N4BP2: variants seen among roughly 807,000 people sequenced by gnomAD.
N4BP2 encodes the protein NEDD4 binding protein 2.
A neutral mutation model predicts 152.8 loss-of-function variants in N4BP2; 91 were observed. That is an observed-to-expected ratio of 0.60 (90% CI 0.50 to 0.71). The LOEUF (loss-of-function observed/expected upper bound fraction) is 0.71, where lower values mean the gene tolerates loss of function less well. N4BP2 is among the 30% of genes least tolerant of loss of function. The probability of loss-of-function intolerance (pLI) is 0.00; values close to 1 mark genes in which losing one functional copy is unlikely to be tolerated. For synonymous variants in N4BP2, 646 were observed against 705.3 expected (o/e 0.92, Z 1.33); for missense variants, 1,923 against 2,059.1 (o/e 0.93, Z 1.28).
chr4:40,083,898 A>G (rs1236389636), intron 2 of N4BP2, among the ~76,000 whole-genome samples: 1 of 152,210 alleles, frequency 6.6e-6, no homozygotes, highest in Non-Finnish European at 1.5e-5. Flanking sequence ...CCAATCCACG[A>G]CGCTACCTTT....
In N4BP2 at chr4:40,124,776, T is replaced by C. The variant is rs147834470; in HGVS notation, c.4330+571T>C. Among the ~76,000 whole-genome samples, 667 of 152,328 alleles carry C rather than the reference T, an allele frequency of 4.4e-3. 4 individuals are homozygous for C. Among genetic ancestry groups the C allele is most frequent in the African/African-American group, 0.015 (628 of 41,580 alleles). On this transcript the variant is annotated intron_variant, in intron 11 of 17. Transcript: ENST00000261435. ...ACACCTAGGGTATGCTCTCAAAGCATTTCCTGTTGAGGTTTTGCTCTGCAT... is the reference window on the plus strand; with the variant it reads ...ACACCTAGGGTATGCTCTCAAAGCACTTCCTGTTGAGGTTTTGCTCTGCAT...
At position 40,122,192 on chromosome 4, in the gene N4BP2, T is replaced by C. The variant is rs1174165151; in HGVS notation, c.4081T>C (p.Leu1361=). ...TAGTGGGGAAGATAAAACCGAGATATTGAATCCCACTCCAGCGATGGCCAA... is the reference window on the plus strand; with the variant it reads ...TAGTGGGGAAGATAAAACCGAGATACTGAATCCCACTCCAGCGATGGCCAA... ...GVSGEDKTEI[L]NPTPAMAKSL... The change falls in exon 9 of 18, where the codon TTG becomes CTG. Residue 1361 remains leucine (L), a synonymous_variant. Transcript: ENST00000261435. 3 of 1,613,862 alleles carry C rather than the reference T, an allele frequency of 1.9e-6. No homozygotes were observed. The highest frequency in any genetic ancestry group is 1.7e-5 in the Admixed American group (1 of 59,994).
intron 12 of N4BP2, among the ~76,000 whole-genome samples, chr4:40,127,313 G>A (rs1008602978): frequency 2.0e-5 from 3 of 151,516 alleles, no homozygotes; most frequent in African/African-American, 7.3e-5. Context: ...AACCTCCTGG[G>A]TTTAAGTGAG....
chr4:40,163,142 G>A (rs1721902682), downstream of N4BP2, among the ~76,000 whole-genome samples: 1 of 152,222 alleles, frequency 6.6e-6, no homozygotes, highest in South Asian at 2.1e-4. Context: ...AAGCACAGGA[G>A]AATTAGCTCT....
the N4BP2 span, among the ~76,000 whole-genome samples, chr4:40,182,821 C>T: frequency 6.6e-6 from 1 of 151,964 alleles, no homozygotes; most frequent in Non-Finnish European, 1.5e-5. Context: ...GGATTACAGG[C>T]ACCTGTCACC....
intron 5 of N4BP2, among the ~76,000 whole-genome samples, chr4:40,111,046 A>G (rs1716830489): frequency 6.6e-6 from 1 of 152,110 alleles, no homozygotes; most frequent in Non-Finnish European, 1.5e-5. Context: ...TTTATTTCAG[A>G]TCATTACATT....
rs73140122 is a variant in N4BP2 at position 40,058,304 on chromosome 4, T to A, written c.-212+1274T>A. ...TAGGAAATGTAAACATCGTGTGTTC[T>A]GTGTTTTGATAAACGTGGTTCCATC... On this transcript the variant is annotated intron_variant, in intron 1 of 17. Transcript: ENST00000261435. Among the ~76,000 whole-genome samples, 762 of 152,328 alleles carry A rather than the reference T, an allele frequency of 5.0e-3. 11 individuals are homozygous for A. Among genetic ancestry groups the A allele is most frequent in the African/African-American group, 0.017 (721 of 41,566 alleles).
chr4:40,169,536 A>G, the N4BP2 span, among the ~76,000 whole-genome samples: 8 of 151,786 alleles, frequency 5.3e-5, no homozygotes, highest in Non-Finnish European at 1.2e-4. Flanking sequence ...ATCAAATTAG[A>G]AACTGAACTG....
chr4:40,125,581 C>CA (rs1718313360), intron 11 of N4BP2, among the ~76,000 whole-genome samples: 1 of 151,978 alleles, frequency 6.6e-6, no homozygotes, highest in Admixed American at 6.6e-5. Context: ...AGCATTGAGT[C>CA]AGTTTAAAAT....
the N4BP2 span, among the ~76,000 whole-genome samples, chr4:40,181,030 G>T: frequency 6.6e-6 from 1 of 152,060 alleles, no homozygotes; most frequent in Non-Finnish European, 1.5e-5. Flanking sequence ...TGTGCCTGTA[G>T]TCCCAGCTAC....
intron 2 of N4BP2, chr4:40,077,852 A>G (rs1212857124): frequency 1.3e-5 from 2 of 152,196 alleles, no homozygotes; most frequent in African/African-American, 4.8e-5. Flanking sequence ...CATATACTAC[A>G]TATAAAAGAT....
Position 40,121,779 on chromosome 4 carries a change from G to T in N4BP2, c.3668G>T (p.Ser1223Ile), listed in dbSNP as rs80192073. ...NHESMTSIFP[S>I]AAVGLKNNND... is the part of the protein sequence containing the mutation. The stretch of plus-strand genomic sequence containing the variant: ...GAATCGATGACAAGTATATTTCCCA[G>T]TGCTGCTGTGGGTCTAAAGAATAAT... The change falls in exon 9 of 18, where the codon AGT (serine) becomes ATT (isoleucine). Residue 1223 changes from serine (S) to isoleucine (I), a missense_variant. By Grantham distance (142) the Ser-to-Ile change is moderately radical (BLOSUM62 -2). Transcript: ENST00000261435. The T allele has an allele frequency of 1.1e-3, 1,702 of 1,614,030 alleles. 18 individuals are homozygous for T. The African/African-American group carries it at 0.021, about 20-fold the overall frequency.
At chr4:40,095,609 AG>A (rs1250436878) in intron 2 of N4BP2, among the ~76,000 whole-genome samples, 3 of 152,206 alleles carry the variant, frequency 2.0e-5, no homozygotes, top group Non-Finnish European at 4.4e-5. Flanking sequence ...TTTAATTAAA[AG>A]GTAAATTTTA....
chr4:40,069,157 G>A (rs567835645), intron 1 of N4BP2, among the ~76,000 whole-genome samples: 1 of 150,072 alleles, frequency 6.7e-6, no homozygotes, highest in East Asian at 2.0e-4. Context: ...AAAATTCCCA[G>A]CCGGGCACAG....
chr4:40,075,890 G>GCGTA (rs1712679924), intron 2 of N4BP2, among the ~76,000 whole-genome samples: 1 of 152,088 alleles, frequency 6.6e-6, no homozygotes, highest in African/African-American at 2.4e-5. Context: ...GCAGTGCTTT[G>GCGTA]ATTACTGCCT....
the N4BP2 span, among the ~76,000 whole-genome samples, chr4:40,172,313 G>A: frequency 6.6e-6 from 1 of 152,272 alleles, no homozygotes; most frequent in African/African-American, 2.4e-5. Flanking sequence ...TTGAGGGTGA[G>A]TCTGCCTTTC....
chr4:40,134,433 G>C (rs1055231524), intron 13 of N4BP2, among the ~76,000 whole-genome samples: 15 of 152,164 alleles, frequency 9.9e-5, no homozygotes, highest in Admixed American at 3.3e-4. Flanking sequence ...GGGCCCTCAT[G>C]TTAGGTGGCT....
chr4:40,180,206 A>G, the N4BP2 span, among the ~76,000 whole-genome samples: 3 of 152,216 alleles, frequency 2.0e-5, no homozygotes, highest in Non-Finnish European at 4.4e-5. Flanking sequence ...TCATATACAA[A>G]CAACTTTTCT....
intron 17 of N4BP2, 33 bp downstream of exon 17, chr4:40,152,936 A>G (rs1721273798): frequency 6.2e-7 from 1 of 1,607,052 alleles, no homozygotes; most frequent in Non-Finnish European, 8.5e-7. Flanking sequence ...AATAATGGCA[A>G]CTGCCCATAT....
Sources: gnomAD v4.1 joint callset for allele counts (sites outside exome capture counted in the v4.1 genomes callset) on GRCh38, gnomAD v4.1.1 for gene constraint, MANE v1.5 for transcripts, NCBI Gene and HGNC (gene_info 2026-07-23, HGNC 2026-07-21) for gene names.